DOK6: variants seen among roughly 807,000 people sequenced by gnomAD.
The protein encoded by DOK6 is downstream of tyrosine kinase 6.
DOK6 carries 22 observed loss-of-function variants against 44.0 expected under a neutral mutation model. The observed-to-expected ratio is 0.50, with a 90% CI of 0.36 to 0.71. DOK6 has a LOEUF of 0.71. Ranked by LOEUF, DOK6 falls within the 30% of genes least tolerant of loss-of-function variation. The pLI is 0.00. For missense variants in DOK6, 340 were observed against 416.4 expected (o/e 0.82, Z 1.60); for synonymous variants, 166 against 145.5 (o/e 1.14, Z -1.01).
intron 1 of DOK6, among the ~76,000 whole-genome samples, chr18:69,559,022 A>G (rs1464733918): frequency 6.6e-6 from 1 of 152,180 alleles, no homozygotes; most frequent in Admixed American, 6.5e-5. Flanking sequence ...AACTTGGTAA[A>G]CAGTCTATTA....
At chr18:69,621,148 A>G (rs1475794008) in intron 3 of DOK6, among the ~76,000 whole-genome samples, 1 of 152,148 alleles carries the variant, frequency 6.6e-6, no homozygotes, top group Non-Finnish European at 1.5e-5. Flanking sequence ...TCCTTTGTAT[A>G]GTGAACTGGA....
At chr18:69,713,915 C>T (rs141653553) in intron 5 of DOK6, among the ~76,000 whole-genome samples, 2 of 152,280 alleles carry the variant, frequency 1.3e-5, no homozygotes, top group Non-Finnish European at 2.9e-5. Flanking sequence ...CTCATCAGTA[C>T]TCCCAGCAAA....
At chr18:69,703,938 G>A (rs893020015) in intron 5 of DOK6, among the ~76,000 whole-genome samples, 1 of 152,134 alleles carries the variant, frequency 6.6e-6, no homozygotes, top group African/African-American at 2.4e-5. Context: ...ATAAGAAGGA[G>A]AAAGAAACCT....
chr18:69,640,339 G>A (rs1984909989), intron 3 of DOK6, among the ~76,000 whole-genome samples: 1 of 152,022 alleles, frequency 6.6e-6, no homozygotes, highest in African/African-American at 2.4e-5. Flanking sequence ...CCTGATATGT[G>A]GTATTCCTCT....
chr18:69,779,625 TA>T (rs1187254351), intron 7 of DOK6, among the ~76,000 whole-genome samples: 3 of 151,774 alleles, frequency 2.0e-5, no homozygotes, highest in Admixed American at 6.6e-5. Flanking sequence ...AGGAAAAAAA[TA>T]AAAAATATTA....
At chr18:69,585,110 A>G (rs2144612865) in intron 2 of DOK6, among the ~76,000 whole-genome samples, 1 of 151,996 alleles carries the variant, frequency 6.6e-6, no homozygotes, top group African/African-American at 2.4e-5. Context: ...TTTCAGTTGA[A>G]TGTCTAAATT....
Position 69,842,846 on chromosome 18 carries a change from G to A in DOK6, c.*1463G>A, listed in dbSNP as rs1161519344. ...ATGGTTATCTCTCAAATACTCTAGG[G>A]TGGGTTTAAAGAACAGTGAGCTCAG... On this transcript the variant is annotated 3_prime_UTR_variant, in exon 8 of 8. Transcript: ENST00000382713. The A allele has an allele frequency of 6.6e-6, 1 of 152,030 alleles. No homozygotes were observed. Among genetic ancestry groups the A allele is most frequent in the Non-Finnish European group, 1.5e-5 (1 of 68,014 alleles). The allele number at this position is 152,030 out of a possible 1,614,324, so 9.4% of individuals were successfully genotyped here. A position where few individuals can be genotyped will look rare whatever the true frequency, so the allele number is the denominator to read the frequency against.
chr18:69,759,632 G>T (rs891868746), intron 7 of DOK6, among the ~76,000 whole-genome samples: 2 of 152,164 alleles, frequency 1.3e-5, no homozygotes, highest in African/African-American at 2.4e-5. Flanking sequence ...TTTCTGCAAT[G>T]GCTTTGCATC....
chr18:69,714,056 C>A (rs1464512523), intron 5 of DOK6, among the ~76,000 whole-genome samples: 1 of 152,142 alleles, frequency 6.6e-6, no homozygotes, highest in Admixed American at 6.6e-5. Flanking sequence ...GTGATGCAGT[C>A]TCATCTCCTT....
At position 69,405,004 on chromosome 18, in the gene DOK6, C is replaced by T. The variant is rs75458164; in HGVS notation, c.66+3694C>T. ...AGTCATTGTCACTTTGCACCAACTT[C>T]GCTGTAGGGGAAGCAGGGAAATGTG... On this transcript the variant is annotated intron_variant, in intron 1 of 7. Transcript: ENST00000382713. Among the ~76,000 whole-genome samples the T allele has an allele frequency of 5.1e-3, 778 of 152,270 alleles. 7 individuals carry two copies. The highest frequency in any genetic ancestry group is 9.4e-3 in the Non-Finnish European group (640 of 68,028).
chr18:69,610,654 C>A (rs1984116679), intron 3 of DOK6, among the ~76,000 whole-genome samples: 2 of 152,142 alleles, frequency 1.3e-5, no homozygotes, highest in Admixed American at 6.5e-5. Context: ...GTGGAGTCAA[C>A]CAACGGTGAA....
intron 7 of DOK6, among the ~76,000 whole-genome samples, chr18:69,810,882 A>G (rs1362472132): frequency 6.6e-6 from 1 of 152,132 alleles, no homozygotes; most frequent in Non-Finnish European, 1.5e-5. Flanking sequence ...ATTATGGAAA[A>G]CAGTATGGAG....
intron 1 of DOK6, among the ~76,000 whole-genome samples, chr18:69,556,312 T>A (rs1226729848): frequency 6.6e-6 from 1 of 152,124 alleles, no homozygotes; most frequent in African/African-American, 2.4e-5. Context: ...TGCAATTCTC[T>A]CTGGCTGAAA....
At chr18:69,420,856 A>G (rs372259363) in intron 1 of DOK6, among the ~76,000 whole-genome samples, 3 of 152,114 alleles carry the variant, frequency 2.0e-5, no homozygotes, top group African/African-American at 7.2e-5. Context: ...CCCTTTTTCT[A>G]TATAATCTAC....
At chr18:69,435,061 AGG>A (rs1432322120) in intron 1 of DOK6, among the ~76,000 whole-genome samples, 6 of 148,870 alleles carry the variant, frequency 4.0e-5, no homozygotes, top group African/African-American at 9.9e-5. Flanking sequence ...GAAGGAAGGA[AGG>A]AAGGAAGGAA....
At chr18:69,646,279 G>A (rs1054520382) in intron 3 of DOK6, among the ~76,000 whole-genome samples, 1 of 151,998 alleles carries the variant, frequency 6.6e-6, no homozygotes, top group Non-Finnish European at 1.5e-5. Context: ...TTGGATATCT[G>A]TATATTTTTT....
chr18:69,710,558 G>C (rs1264531788), intron 5 of DOK6, among the ~76,000 whole-genome samples: 2 of 152,194 alleles, frequency 1.3e-5, no homozygotes, highest in African/African-American at 2.4e-5. Context: ...GGTTCCAACA[G>C]CAATTACTAA....
intron 5 of DOK6, among the ~76,000 whole-genome samples, chr18:69,702,135 T>G (rs1175398116): frequency 3.1e-5 from 2 of 65,440 alleles, no homozygotes; most frequent in Admixed American, 3.4e-4. Context: ...TCTGGGTTGG[T>G]TTTTTTTTTT....
At chr18:69,449,676 G>A (rs947652083) in intron 1 of DOK6, among the ~76,000 whole-genome samples, 3 of 152,148 alleles carry the variant, frequency 2.0e-5, no homozygotes, top group African/African-American at 7.2e-5. Flanking sequence ...CAGCTTTGAA[G>A]AGAGCAGTGG....
Sources: allele counts gnomAD v4.1 joint callset (sites outside exome capture counted in the v4.1 genomes callset), GRCh38; gene constraint gnomAD v4.1.1; transcripts MANE v1.5; gene names NCBI Gene and HGNC (gene_info 2026-07-23, HGNC 2026-07-21).